C14orf119: variants seen among roughly 807,000 people sequenced by gnomAD.
C14orf119 encodes the protein chromosome 14 open reading frame 119, also known as uncharacterized protein C14orf119.
A neutral mutation model predicts 13.5 loss-of-function variants in C14orf119; 17 were observed. The observed-to-expected ratio is 1.26, with a 90% confidence interval of 0.86 to 1.88. The LOEUF (loss-of-function observed/expected upper bound fraction) is 1.88, where lower values mean the gene tolerates loss of function less well. Among genes scored for constraint, C14orf119 ranks in the 40% most tolerant of loss-of-function variants. The pLI, the probability that C14orf119 is intolerant of heterozygous loss-of-function variation, is 0.00. For synonymous variants in C14orf119, 61 were observed against 61.9 expected (o/e 0.99, Z 0.07); for missense variants, 162 against 165.9 (o/e 0.98, Z 0.13).
In C14orf119 at chr14:23,099,708, C is replaced by A. The variant is rs946721034; in HGVS notation, c.*1627C>A. The stretch of plus-strand genomic sequence containing the variant: ...CCGAATAGCTGGGACTACAGGCGCA[C>A]GCCGCACCACCACGTCTGGCTAAGG... On this transcript the variant is annotated 3_prime_UTR_variant, in exon 2 of 2. Transcript: ENST00000319074. The A allele has an allele frequency of 3.0e-6, 1 of 333,276 alleles. No individual in the cohort carries two copies. The highest frequency in any genetic ancestry group is 2.1e-5 in the African/African-American group (1 of 46,934). The allele number at this position is 333,276 out of a possible 1,614,324, so 20.6% of individuals were successfully genotyped here. A position where few individuals can be genotyped will look rare whatever the true frequency, so the allele number is the denominator to read the frequency against.
At chr14:23,097,422 G>A (rs1490402377) in intron 1 of C14orf119, among the ~76,000 whole-genome samples, 1 of 152,168 alleles carries the variant, frequency 6.6e-6, no homozygotes, top group East Asian at 1.9e-4. Flanking sequence ...AGTGGGTGGG[G>A]AAGAATGGGT....
intron 1 of C14orf119, among the ~76,000 whole-genome samples, chr14:23,095,913 A>G (rs1220474536): frequency 6.6e-6 from 1 of 152,218 alleles, no homozygotes; most frequent in African/African-American, 2.4e-5. Flanking sequence ...CCATGTGGCA[A>G]GATTCTGGGA....
chr14:23,096,444 AGGAAGCAGT>A (rs200051469), intron 1 of C14orf119, among the ~76,000 whole-genome samples: 1,536 of 140,672 alleles, frequency 0.011, 30 homozygotes, highest in African/African-American at 0.04. Context: ...GCTTGAACCC[AGGAAGCAGT>A]GGTTGAGATC....
chr14:23,097,968 C>G lies in C14orf119; in HGVS notation c.310C>G (p.Arg104Gly). 3 of 1,614,138 alleles carry G rather than the reference C, an allele frequency of 1.9e-6. No individual in the cohort carries two copies. Among genetic ancestry groups the G allele is most frequent in the Non-Finnish European group, 2.5e-6 (3 of 1,180,026 alleles). ...GCTACATCTTTGGGATCAGTGGTTT[C>G]GAGGCTGGGCTGAGCAGGAGCGCAA... ...CQLHLWDQWF[R>G]GWAEQERNEF... is the part of the protein sequence containing the mutation. Residue 104 changes from arginine (R) to glycine (G), a missense_variant, in exon 2 of 2, where the codon CGA becomes GGA. Arg to Gly is a moderately radical substitution (Grantham distance 125). Coordinates refer to ENST00000319074, the MANE Select transcript of C14orf119 (RefSeq NM_017924.4).
At chr14:23,096,882 C>G (rs2140276271) in intron 1 of C14orf119, among the ~76,000 whole-genome samples, 1 of 152,244 alleles carries the variant, frequency 6.6e-6, no homozygotes, top group South Asian at 2.1e-4. Flanking sequence ...CCGCGTCTGG[C>G]CCATACTAAA....
At chr14:23,097,529 G>T in intron 1 of C14orf119, 129 bp from the exon 2 acceptor site, 1 of 785,916 alleles carries the variant, frequency 1.3e-6, no homozygotes, top group Non-Finnish European at 2.1e-6. Flanking sequence ...ATTATTTTGG[G>T]TCTTTGAATT....
chr14:23,096,200 T>C (rs1049202017), intron 1 of C14orf119, among the ~76,000 whole-genome samples: 1 of 152,220 alleles, frequency 6.6e-6, no homozygotes, highest in Non-Finnish European at 1.5e-5. Flanking sequence ...GGCTGATCTT[T>C]CCGTTGCATT....
At chr14:23,097,350 G>A (rs1445369176) in intron 1 of C14orf119, among the ~76,000 whole-genome samples, 3 of 152,204 alleles carry the variant, frequency 2.0e-5, no homozygotes, top group African/African-American at 7.2e-5. Context: ...GTAAGAGGAA[G>A]AGAATGAACA....
At position 23,095,558 on chromosome 14, in the gene C14orf119, G is replaced by C; in HGVS notation, c.-63G>C. 1 of 466,790 alleles carries C rather than the reference G, an allele frequency of 2.1e-6. No individual in the cohort carries two copies. The highest frequency in any genetic ancestry group is 3.8e-6 in the Non-Finnish European group (1 of 260,064). 28.9% of individuals were successfully genotyped at this position (466,790 alleles called of 1,614,324 possible). On this transcript the variant is annotated 5_prime_UTR_variant, in exon 1 of 2. Coordinates refer to ENST00000319074, the MANE Select transcript of C14orf119 (RefSeq NM_017924.4). ...GTTTTCAGGAAATTTGGAAGCTGCC[G>C]CAGTAGTTGGAGTCTAAGGACTCGT...
rs989431193 is a variant in C14orf119 at position 23,099,236 on chromosome 14, C to T, written c.*1155C>T. The T allele has an allele frequency of 1.2e-5, 5 of 413,376 alleles. No homozygotes were observed. Among genetic ancestry groups the T allele is most frequent in the Non-Finnish European group, 2.2e-5 (5 of 226,122 alleles). 25.6% of individuals were successfully genotyped at this position (413,376 alleles called of 1,614,324 possible). A position where few individuals can be genotyped will look rare whatever the true frequency, so the allele number is the denominator to read the frequency against. ...ATAGATTTTCCATCCAGTTGTCTCA[C>T]AAGAAATTATTCTCTTCCTTACCCC... On this transcript the variant is annotated 3_prime_UTR_variant, in exon 2 of 2. Coordinates refer to ENST00000319074, the MANE Select transcript of C14orf119 (RefSeq NM_017924.4).
At position 23,097,589 on chromosome 14, in the gene C14orf119, C is replaced by T. The variant is rs1165546902; in HGVS notation, c.-1-69C>T. ...ATGCTAATTGAGTGTGGTAAGATGT[C>T]TTGTTGCTTGAAAGTTGTATTTTCG... On this transcript the variant is annotated intron_variant, in intron 1 of 1. Coordinates refer to ENST00000319074, the MANE Select transcript of C14orf119 (RefSeq NM_017924.4). The T allele has an allele frequency of 1.1e-5, 16 of 1,408,358 alleles. 1 individual carries two copies. Among genetic ancestry groups the T allele is most frequent in the South Asian group, 9.8e-5 (8 of 81,476 alleles). The allele number at this position is 1,408,358 out of a possible 1,614,324, so 87.2% of individuals were successfully genotyped here. A position where few individuals can be genotyped will look rare whatever the true frequency, so the allele number is the denominator to read the frequency against.
rs2048414114 is a variant in C14orf119 at position 23,099,612 on chromosome 14, T to A, written c.*1531T>A. The A allele has an allele frequency of 2.6e-6, 1 of 377,668 alleles. No homozygotes were observed. The highest frequency in any genetic ancestry group is 5.4e-5 in the Admixed American group (1 of 18,466). The allele number at this position is 377,668 out of a possible 1,614,324, so 23.4% of individuals were successfully genotyped here. ...TCTTGGTCTGTTGCCCAGGCTGGAG[T>A]GCAGTGGTGTGATCTTGGCTCACCG... On this transcript the variant is annotated 3_prime_UTR_variant, in exon 2 of 2. Coordinates refer to ENST00000319074, the MANE Select transcript of C14orf119 (RefSeq NM_017924.4).
Position 23,099,690 on chromosome 14 carries a change from G to A in C14orf119, c.*1609G>A. ...TTCTCCTGCCTCAACCTTCCGAATAGCTGGGACTACAGGCGCACGCCGCAC... is the reference window on the plus strand; with the variant it reads ...TTCTCCTGCCTCAACCTTCCGAATAACTGGGACTACAGGCGCACGCCGCAC... On this transcript the variant is annotated 3_prime_UTR_variant, in exon 2 of 2. Coordinates refer to ENST00000319074, the MANE Select transcript of C14orf119 (RefSeq NM_017924.4). 1 of 355,450 alleles carries A rather than the reference G, an allele frequency of 2.8e-6. No individual in the cohort carries two copies. The highest frequency in any genetic ancestry group is 5.2e-6 in the Non-Finnish European group (1 of 191,834). The allele number at this position is 355,450 out of a possible 1,614,324, so 22.0% of individuals were successfully genotyped here.
chr14:23,099,682 T>C lies in C14orf119; in HGVS notation c.*1601T>C. The C allele has an allele frequency of 2.8e-6, 1 of 360,274 alleles. No homozygotes were observed. The highest frequency in any genetic ancestry group is 4.2e-5 in the East Asian group (1 of 23,744). 22.3% of individuals were successfully genotyped at this position (360,274 alleles called of 1,614,324 possible). A position where few individuals can be genotyped will look rare whatever the true frequency, so the allele number is the denominator to read the frequency against. ...TCAAGCAATTCTCCTGCCTCAACCTTCCGAATAGCTGGGACTACAGGCGCA... is the reference window on the plus strand; with the variant it reads ...TCAAGCAATTCTCCTGCCTCAACCTCCCGAATAGCTGGGACTACAGGCGCA... On this transcript the variant is annotated 3_prime_UTR_variant, in exon 2 of 2. Coordinates refer to ENST00000319074, the MANE Select transcript of C14orf119 (RefSeq NM_017924.4).
At position 23,099,303 on chromosome 14, in the gene C14orf119, A is replaced by G. The variant is rs2048411295; in HGVS notation, c.*1222A>G. On this transcript the variant is annotated 3_prime_UTR_variant, in exon 2 of 2. Coordinates refer to ENST00000319074, the MANE Select transcript of C14orf119 (RefSeq NM_017924.4). ...AACATCACACCTCCCTTATTCCTCT[A>G]ACTGGGACCCTTGTGCTGTGGAGCT... 1 of 413,444 alleles carries G rather than the reference A, an allele frequency of 2.4e-6. No individual in the cohort carries two copies. The highest frequency in any genetic ancestry group is 4.4e-6 in the Non-Finnish European group (1 of 226,134). The allele number at this position is 413,444 out of a possible 1,614,324, so 25.6% of individuals were successfully genotyped here. A position where few individuals can be genotyped will look rare whatever the true frequency, so the allele number is the denominator to read the frequency against.
chr14:23,097,116 G>C (rs1010013234), intron 1 of C14orf119, among the ~76,000 whole-genome samples: 2 of 152,148 alleles, frequency 1.3e-5, no homozygotes. Flanking sequence ...ATGTTATGGA[G>C]TTGTTGGCAT....
At chr14:23,095,802 A>G (rs908234363) in intron 1 of C14orf119, among the ~76,000 whole-genome samples, 183 bp downstream of exon 1, 2 of 152,154 alleles carry the variant, frequency 1.3e-5, no homozygotes, top group Admixed American at 6.5e-5. Context: ...AATCGGAATA[A>G]CAAGCTCCGT....
Position 23,097,675 on chromosome 14 carries a change from C to T in C14orf119, c.17C>T (p.Ser6Phe). ...TGTTTCAGGATGCCACTGGAGTCAT[C>T]CTCTTCAATGCCACTATCCTTCCCA... is the stretch of plus-strand genomic sequence containing the variant. The part of the protein sequence containing the change: MPLES[S>F]SSMPLSFPSL... The change falls in exon 2 of 2, where the codon TCC (serine) becomes TTC (phenylalanine). Residue 6 changes from serine (S) to phenylalanine (F), a missense_variant. Physicochemically the swap from Ser to Phe is radical, Grantham distance 155. Coordinates refer to ENST00000319074, the MANE Select transcript of C14orf119 (RefSeq NM_017924.4). 5 of 1,613,580 alleles carry T rather than the reference C, an allele frequency of 3.1e-6. No homozygotes were observed. The highest frequency in any genetic ancestry group is 4.2e-6 in the Non-Finnish European group (5 of 1,179,544).
At position 23,099,213 on chromosome 14, in the gene C14orf119, A is replaced by G; in HGVS notation, c.*1132A>G. On this transcript the variant is annotated 3_prime_UTR_variant, in exon 2 of 2. Coordinates refer to ENST00000319074, the MANE Select transcript of C14orf119 (RefSeq NM_017924.4). Reference sequence around the variant, plus strand: ...AAAGTAGAAATTAAGTATACACAATAGATTTTCCATCCAGTTGTCTCACAA... The same window carrying G: ...AAAGTAGAAATTAAGTATACACAATGGATTTTCCATCCAGTTGTCTCACAA... 1 of 413,052 alleles carries G rather than the reference A, an allele frequency of 2.4e-6. No individual in the cohort carries two copies. The highest frequency in any genetic ancestry group is 3.6e-5 in the East Asian group (1 of 28,076). The allele number at this position is 413,052 out of a possible 1,614,324, so 25.6% of individuals were successfully genotyped here. A position where few individuals can be genotyped will look rare whatever the true frequency, so the allele number is the denominator to read the frequency against.
Sources: gnomAD v4.1 joint callset for allele counts (sites outside exome capture counted in the v4.1 genomes callset) on GRCh38, gnomAD v4.1.1 for gene constraint, MANE v1.5 for transcripts, NCBI Gene and HGNC (gene_info 2026-07-23, HGNC 2026-07-21) for gene names.